MAU2: variants seen among roughly 807,000 people sequenced by gnomAD.
The protein encoded by MAU2 is MAU2 sister chromatid cohesion factor, also known as MAU2 chromatid cohesion factor homolog.
MAU2 carries 9 observed loss-of-function variants against 89.1 expected under a neutral mutation model. The ratio of observed to expected loss-of-function variants is 0.10; its 90% confidence interval spans 0.06 to 0.18. The LOEUF (loss-of-function observed/expected upper bound fraction) is 0.18, where lower values mean the gene tolerates loss of function less well. Among genes scored for constraint, MAU2 ranks in the 10% least tolerant of loss-of-function variants. MAU2 has a pLI of 1.00. For synonymous variants in MAU2, 357 were observed against 343.4 expected (o/e 1.04, Z -0.44); for missense variants, 425 against 803.5 (o/e 0.53, Z 5.69).
intron 1 of MAU2, chr19:19,334,417 CGAT>C (rs2061580204): frequency 1.3e-5 from 13 of 985,550 alleles, no homozygotes; most frequent in Non-Finnish European, 1.4e-5. Flanking sequence ...TAGCTGCTCT[CGAT>C]GCAGCTCTGT....
chr19:19,331,204 TAAAAA>T (rs199942794), intron 1 of MAU2, among the ~76,000 whole-genome samples: 1 of 142,990 alleles, frequency 7.0e-6, no homozygotes, highest in Non-Finnish European at 1.5e-5. Context: ...ATTACAAAGT[TAAAAA>T]AAAAAAACAC....
intron 1 of MAU2, among the ~76,000 whole-genome samples, chr19:19,322,085 C>T (rs2061463832): frequency 6.6e-6 from 1 of 151,880 alleles, no homozygotes; most frequent in African/African-American, 2.4e-5. Flanking sequence ...GCAAGTTCCG[C>T]CTCCCGGGTT....
chr19:19,322,265 TG>T (rs1468105081), intron 1 of MAU2, among the ~76,000 whole-genome samples: 1 of 152,184 alleles, frequency 6.6e-6, no homozygotes, highest in Admixed American at 6.5e-5. Context: ...CCCACAGTGC[TG>T]GGATTACAGG....
intron 1 of MAU2, among the ~76,000 whole-genome samples, chr19:19,327,182 C>T (rs766387928): frequency 6.1e-5 from 9 of 146,720 alleles, no homozygotes; most frequent in African/African-American, 1.3e-4. Flanking sequence ...AGTGCAGTGG[C>T]GCAATCTCAG....
chr19:19,331,944 A>AG (rs1174159793), intron 1 of MAU2, among the ~76,000 whole-genome samples: 1 of 152,218 alleles, frequency 6.6e-6, no homozygotes, highest in Non-Finnish European at 1.5e-5. Flanking sequence ...AAAGACAGGG[A>AG]GAAATCCCAT....
intron 1 of MAU2, among the ~76,000 whole-genome samples, chr19:19,322,852 A>C (rs1486514431): frequency 2.6e-5 from 4 of 152,130 alleles, no homozygotes. Flanking sequence ...TGTTTCACAG[A>C]CTGAAAAGTT....
intron 1 of MAU2, among the ~76,000 whole-genome samples, chr19:19,326,621 G>T (rs1190353188): frequency 6.7e-6 from 1 of 150,244 alleles, no homozygotes; most frequent in Non-Finnish European, 1.5e-5. Flanking sequence ...GGGCGGCGGA[G>T]CTTGCAGTGA....
In MAU2 at chr19:19,355,717, G is replaced by A; in HGVS notation, c.1777G>A (p.Gly593Ser). ...CCTCTCCTCCCCACAGTGGACAGAC[G>A]GTCCACCCCCCGTGCAGTTCCAAGC... The part of the protein sequence containing the change: ...PEHNLITWTD[G>S]PPPVQFQAQN... Residue 593 changes from glycine (G) to serine (S), a missense_variant, in exon 19 of 19, where the codon GGT becomes AGT. By Grantham distance (56) the Gly-to-Ser change is moderately conservative. Around this residue, in one of 11 missense-constraint regions of MAU2, gnomAD observed 42 missense variants for 42.4 expected, o/e 0.99. Coordinates refer to ENST00000262815, the MANE Select transcript of MAU2 (RefSeq NM_015329.4). The A allele has an allele frequency of 6.2e-7, 1 of 1,610,234 alleles. No individual in the cohort carries two copies. The highest frequency in any genetic ancestry group is 8.5e-7 in the Non-Finnish European group (1 of 1,179,354).
At chr19:19,327,444 G>T (rs982109574) in intron 1 of MAU2, among the ~76,000 whole-genome samples, 2 of 152,004 alleles carry the variant, frequency 1.3e-5, no homozygotes, top group Non-Finnish European at 2.9e-5. Flanking sequence ...TCCTGCCTCA[G>T]CCTCCTGAGT....
chr19:19,351,552 T>C (rs1247249059), intron 16 of MAU2, among the ~76,000 whole-genome samples: 1 of 151,756 alleles, frequency 6.6e-6, no homozygotes, highest in Non-Finnish European at 1.5e-5. Flanking sequence ...TGTGGACTCA[T>C]GCTTGTGGTC....
rs1167230044 is a variant in MAU2, at chr19:19,357,720, A to C, written c.*1938A>C. On this transcript the variant is annotated 3_prime_UTR_variant, in exon 19 of 19. Coordinates refer to ENST00000262815, the MANE Select transcript of MAU2 (RefSeq NM_015329.4). ...CTATGTATATGTAAAGTTAAGGATG[A>C]GATCTTAAGTTTACAATTAAAAACT... The C allele has an allele frequency of 6.6e-6, 1 of 152,376 alleles. No homozygotes were observed. Among genetic ancestry groups the C allele is most frequent in the Non-Finnish European group, 1.5e-5 (1 of 68,040 alleles). 9.4% of individuals were successfully genotyped at this position (152,376 alleles called of 1,614,324 possible).
chr19:19,336,176 T>C lies in MAU2; in HGVS notation c.349T>C (p.Tyr117His). 1 of 1,612,606 alleles carries C rather than the reference T, an allele frequency of 6.2e-7. No individual in the cohort carries two copies. The highest frequency in any genetic ancestry group is 8.5e-7 in the Non-Finnish European group (1 of 1,178,684). ...FEAASLLSEL[Y>H]CQENSVDAAK... ...AGCAGCAAGTCTGTTGTCTGAATTG[T>C]ACTGTCAAGAGGTAAGAACATATTA... The change falls in exon 3 of 19, where the codon TAC becomes CAC. Residue 117 changes from tyrosine (Y) to histidine (H), a missense_variant. Transcript: ENST00000262815.
intron 1 of MAU2, among the ~76,000 whole-genome samples, chr19:19,335,079 C>T (rs1301701810): frequency 6.6e-6 from 1 of 152,192 alleles, no homozygotes; most frequent in African/African-American, 2.4e-5. Flanking sequence ...AACTTTAGGG[C>T]ACAGTGGTCC....
At chr19:19,330,509 G>T (rs1035358418) in intron 1 of MAU2, among the ~76,000 whole-genome samples, 4 of 152,040 alleles carry the variant, frequency 2.6e-5, no homozygotes, top group Admixed American at 6.5e-5. Flanking sequence ...GGGAGGCCAA[G>T]GCGGGTGCAT....
Position 19,345,397 on chromosome 19 carries a change from G to T in MAU2, c.1221+28G>T. ...AAGGTGCCGGCCCTCCTTGCTGCTC[G>T]GGGCGGGCCACACTTCTGAGTAAGG... On this transcript the variant is annotated intron_variant, in intron 12 of 18. Transcript: ENST00000262815. This position sits in a 1 kb window ranked among gnomAD's most constrained non-coding sequence, Gnocchi z 4.9. 1.9e-6 allele frequency: 3 copies of T among 1,610,416 alleles called. No homozygotes were observed. The highest frequency in any genetic ancestry group is 2.5e-6 in the Non-Finnish European group (3 of 1,178,146).
At chr19:19,341,111 T>C in intron 6 of MAU2, 141 bp from the exon 7 acceptor site, 1 of 1,087,752 alleles carries the variant, frequency 9.2e-7, no homozygotes, top group Non-Finnish European at 1.3e-6. Context: ...AGGAGCTGCC[T>C]GGGCTGGGGT....
chr19:19,325,668 A>C (rs761308405), intron 1 of MAU2, among the ~76,000 whole-genome samples: 16 of 151,684 alleles, frequency 1.1e-4, no homozygotes, highest in African/African-American at 1.7e-4. Flanking sequence ...TAGTAGAAAC[A>C]AGGTTTCATC....
intron 6 of MAU2, among the ~76,000 whole-genome samples, 164 bp downstream of exon 6, chr19:19,341,037 C>G (rs890342837): frequency 9.9e-5 from 15 of 152,196 alleles, no homozygotes; most frequent in Non-Finnish European, 1.8e-4. Context: ...CCGGGCCCTG[C>G]TGGGTTCAGG....
At position 19,345,532 on chromosome 19, in the gene MAU2, C is replaced by T. The variant is rs569730533; in HGVS notation, c.1221+163C>T. Among the ~76,000 whole-genome samples, 49 of 152,210 alleles carry T rather than the reference C, an allele frequency of 3.2e-4. No individual in the cohort carries two copies. The highest frequency in any genetic ancestry group is 5.4e-4 in the Non-Finnish European group (37 of 68,032). ...CAGCCCATGCCAGCCTTGGCAGTGA[C>T]GCGCTGTTTATCTGGATAAGGGACA... On this transcript the variant is annotated intron_variant, in intron 12 of 18. Coordinates refer to ENST00000262815, the MANE Select transcript of MAU2 (RefSeq NM_015329.4). This position sits in a 1 kb window ranked among gnomAD's most constrained non-coding sequence, Gnocchi z 4.9.
Sources: allele counts gnomAD v4.1 joint callset (sites outside exome capture counted in the v4.1 genomes callset), GRCh38; gene constraint gnomAD v4.1.1; regional missense constraint gnomAD v4.1.1; non-coding constraint Gnocchi (gnomAD v3.1); transcripts MANE v1.5; gene names NCBI Gene and HGNC (gene_info 2026-07-23, HGNC 2026-07-21).